PARVG: variants seen among roughly 807,000 people sequenced by gnomAD.
PARVG encodes the protein gamma-parvin.
PARVG carries 36 observed loss-of-function variants against 44.4 expected under a neutral mutation model. The observed-to-expected ratio is 0.81, with a 90% CI of 0.62 to 1.07. The LOEUF is 1.07. Ranked by LOEUF, PARVG falls within the 50% of genes least tolerant of loss-of-function variation. The pLI, the probability that PARVG is intolerant of heterozygous loss-of-function variation, is 0.00. For synonymous variants in PARVG, 170 were observed against 174.1 expected, an observed-to-expected ratio of 0.98 and a Z score of 0.19; for missense variants, 407 against 407.4, an observed-to-expected ratio of 1.00 and a Z score of 0.01.
chr22:44,181,038 C>T lies in PARVG; in HGVS notation c.-336C>T. On this transcript the variant is annotated 5_prime_UTR_variant, in exon 1 of 14. Coordinates refer to ENST00000444313, the MANE Select transcript of PARVG (RefSeq NM_022141.7). ...CGCTGTTTTCTCCACCTGCCACGTT[C>T]TCACCCCTTCTTCTTCCACTGCAAA... The T allele has an allele frequency of 5.3e-6, 5 of 946,518 alleles. No individual in the cohort carries two copies. The highest frequency in any genetic ancestry group is 6.3e-6 in the Non-Finnish European group (5 of 794,540). The allele number at this position is 946,518 out of a possible 1,614,324, so 58.6% of individuals were successfully genotyped here.
rs1330612734 is a variant in PARVG, at chr22:44,182,844, T to C, written c.-12-474T>C. On this transcript the variant is annotated intron_variant, in intron 2 of 13. Coordinates refer to ENST00000444313, the MANE Select transcript of PARVG (RefSeq NM_022141.7). The surrounding 1 kb of genome is among the most constrained non-coding windows in gnomAD (Gnocchi z 4.6). ...TCTGTCAACCCTGGCCCTTCCGGTT[T>C]ATGGGATGGGAGATGTCACCATTCC... is the stretch of plus-strand genomic sequence containing the variant. 1.3e-5 allele frequency among the ~76,000 whole-genome samples: 2 copies of C among 152,162 alleles called. No individual in the cohort carries two copies. Among genetic ancestry groups the C allele is most frequent in the Admixed American group, 1.3e-4 (2 of 15,280 alleles).
At chr22:44,183,642 T>C (rs535921295) in intron 3 of PARVG, 11 of 490,048 alleles carry the variant, frequency 2.2e-5, no homozygotes, top group African/African-American at 2.2e-4. Flanking sequence ...CGATGGTGAA[T>C]ACTGATTGCT....
At chr22:44,206,179 A>G in intron 13 of PARVG, 138 bp from the exon 14 acceptor site, 2 of 679,260 alleles carry the variant, frequency 2.9e-6, no homozygotes, top group Non-Finnish European at 5.1e-6. Context: ...GCCTGGAGTG[A>G]CCAGCTGTCC....
In PARVG at chr22:44,206,324, G is replaced by T; in HGVS notation, c.894G>T (p.Val298=). ...CCCTCCTTTGGCCCGCAGATATCGT[G>T]AACAAGGATGCCAAGAGCACACTGA... ...LSCPVSPEDI[V]NKDAKSTLRV... is the part of the protein sequence containing the mutation. Residue 298 remains valine (V), a synonymous_variant, in exon 14 of 14, where the codon GTG becomes GTT. Coordinates refer to ENST00000444313, the MANE Select transcript of PARVG (RefSeq NM_022141.7). The T allele has an allele frequency of 6.2e-7, 1 of 1,613,476 alleles. No individual in the cohort carries two copies. The highest frequency in any genetic ancestry group is 1.1e-5 in the South Asian group (1 of 91,038).
At chr22:44,189,390 G>A (rs1019361429) in intron 6 of PARVG, 136 bp downstream of exon 6, 2 of 1,365,690 alleles carry the variant, frequency 1.5e-6, no homozygotes, top group East Asian at 2.5e-5. Context: ...CAGGAAGGAG[G>A]TAGAAGCCTC....
chr22:44,183,863 C>A, intron 3 of PARVG: 1 of 379,554 alleles, frequency 2.6e-6, no homozygotes, highest in Non-Finnish European at 4.7e-6. Flanking sequence ...AACTGAGGTT[C>A]CACACGGACC....
upstream of PARVG, among the ~76,000 whole-genome samples, chr22:44,175,991 C>G (rs1022855510): frequency 6.6e-6 from 1 of 152,192 alleles, no homozygotes; most frequent in African/African-American, 2.4e-5. Context: ...GTATGCAACA[C>G]CTTTGTGGAT....
rs765796219 is a variant in PARVG at position 44,205,746 on chromosome 22, T to G, written c.814-11T>G. 6.2e-7 allele frequency: 1 copy of G among 1,613,536 alleles called. No homozygotes were observed. The highest frequency in any genetic ancestry group is 1.1e-5 in the South Asian group (1 of 91,058). On this transcript the variant is annotated splice_polypyrimidine_tract_variant and intron_variant, in intron 12 of 13. Coordinates refer to ENST00000444313, the MANE Select transcript of PARVG (RefSeq NM_022141.7). ...CTTGTGCCCACATCTGATAGGGCCT[T>G]GTCATCATAGCTGCACAACGTCACC...
At chr22:44,185,951 G>A (rs969055199) in intron 4 of PARVG, 79 bp downstream of exon 4, 6 of 1,424,168 alleles carry the variant, frequency 4.2e-6, no homozygotes, top group Middle Eastern at 1.7e-4. Flanking sequence ...GGCGGGGACA[G>A]CAGGCTGTCC....
chr22:44,173,229 C>G, intron 1 of PARVG: 2 of 1,209,454 alleles, frequency 1.7e-6, no homozygotes, highest in African/African-American at 1.6e-5. Flanking sequence ...CTGCCTGGGT[C>G]CAGACCATAC....
In PARVG at chr22:44,200,878, G is replaced by A. The variant is rs150757810; in HGVS notation, c.813+2156G>A. Among the ~76,000 whole-genome samples the A allele has an allele frequency of 5.6e-3, 843 of 150,944 alleles. 2 individuals carry two copies. The highest frequency in any genetic ancestry group is 8.7e-3 in the Non-Finnish European group (592 of 67,796). ...TCCACCTAGGCCCTTCTTCTAGGCC[G>A]CTCCCCTTAACCTTCCTGGACACCC... On this transcript the variant is annotated intron_variant, in intron 12 of 13. Coordinates refer to ENST00000444313, the MANE Select transcript of PARVG (RefSeq NM_022141.7).
At chr22:44,177,912 C>T (rs950130416), upstream of PARVG, among the ~76,000 whole-genome samples, 1 of 152,076 alleles carries the variant, frequency 6.6e-6, no homozygotes, top group Non-Finnish European at 1.5e-5. Flanking sequence ...CAAATTTGTA[C>T]ACTAAAAAAT....
At chr22:44,186,579 C>A (rs762763592) in intron 4 of PARVG, 10 of 471,104 alleles carry the variant, frequency 2.1e-5, no homozygotes, top group African/African-American at 4.0e-5. Flanking sequence ...TTGACCAGCA[C>A]ACCTGGCCCA....
At chr22:44,206,266 G>T (rs746562352) in intron 13 of PARVG, 51 bp from the exon 14 acceptor site, 2 of 1,352,996 alleles carry the variant, frequency 1.5e-6, no homozygotes, top group Non-Finnish European at 2.1e-6. Context: ...GGGACAGTCG[G>T]TCACTGCCAC....
At chr22:44,178,183 T>C (rs535115176), upstream of PARVG, among the ~76,000 whole-genome samples, 2 of 152,210 alleles carry the variant, frequency 1.3e-5, no homozygotes, top group Non-Finnish European at 2.9e-5. Flanking sequence ...AGCATGGAAA[T>C]GGACTAATAC....
Position 44,196,205 on chromosome 22 carries a change from G to A in PARVG, c.634G>A (p.Val212Met). The change falls in exon 10 of 14, where the codon GTG becomes ATG. Residue 212 changes from valine (V) to methionine (M), a missense_variant. Transcript: ENST00000444313. Reference sequence around the variant, plus strand: ...GCTGGCTCCGGAGAAAGTGAACGCAGTGAAAGAGGTAGGAGAGATCAAAGC... The same window carrying A: ...GCTGGCTCCGGAGAAAGTGAACGCAATGAAAGAGGTAGGAGAGATCAAAGC... ...FKLAPEKVNAVKEAIVNFVNQ... is the reference protein window; with the variant it reads ...FKLAPEKVNAMKEAIVNFVNQ... The A allele has an allele frequency of 1.9e-6, 3 of 1,614,222 alleles. No individual in the cohort carries two copies. Among genetic ancestry groups the A allele is most frequent in the Non-Finnish European group, 2.5e-6 (3 of 1,180,024 alleles).
At chr22:44,179,800 G>A (rs2147214461), upstream of PARVG, among the ~76,000 whole-genome samples, 1 of 142,142 alleles carries the variant, frequency 7.0e-6, no homozygotes, top group East Asian at 2.0e-4. The surrounding 1 kb of genome is among the most constrained non-coding windows in gnomAD (Gnocchi z 4.2). Flanking sequence ...CAGTTGTTTG[G>A]AGGAGAAAGG....
Position 44,206,644 on chromosome 22 carries a change from T to A in PARVG, c.*218T>A. Reference sequence around the variant, plus strand: ...GCTCAGTTTATTTTAATAAAAGTATTTCTGGGAGGGATTCTGGGAACTTGA... The same window carrying A: ...GCTCAGTTTATTTTAATAAAAGTATATCTGGGAGGGATTCTGGGAACTTGA... On this transcript the variant is annotated 3_prime_UTR_variant, in exon 14 of 14. Coordinates refer to ENST00000444313, the MANE Select transcript of PARVG (RefSeq NM_022141.7). The A allele has an allele frequency of 1.8e-6, 1 of 548,990 alleles. No individual in the cohort carries two copies. The highest frequency in any genetic ancestry group is 3.1e-5 in the East Asian group (1 of 31,818). 34.0% of individuals were successfully genotyped at this position (548,990 alleles called of 1,614,324 possible).
At chr22:44,206,284 T>A (rs770163397) in intron 13 of PARVG, 33 bp from the exon 14 acceptor site, 12 of 1,541,208 alleles carry the variant, frequency 7.8e-6, no homozygotes, top group Non-Finnish European at 1.1e-5. Context: ...CACCCAGGCC[T>A]GACTGGCTGC....
Sources: gnomAD v4.1 joint callset for allele counts (sites outside exome capture counted in the v4.1 genomes callset) on GRCh38, gnomAD v4.1.1 for gene constraint, Gnocchi (gnomAD v3.1) non-coding constraint, MANE v1.5 for transcripts, NCBI Gene and HGNC (gene_info 2026-07-23, HGNC 2026-07-21) for gene names.